Variants in GRIN2A observed in about 807,000 individuals in gnomAD.
GRIN2A encodes the protein glutamate ionotropic receptor NMDA type subunit 2A.
GRIN2A carries 22 observed loss-of-function variants against 113.4 expected under a neutral mutation model. The observed-to-expected ratio is 0.19, with a 90% CI of 0.14 to 0.28. The LOEUF is 0.28. GRIN2A is among the 10% of genes least tolerant of loss of function. GRIN2A has a pLI of 1.00. For missense variants in GRIN2A, 1,502 were observed against 1,887.0 expected (o/e 0.80, Z 3.78); for synonymous variants, 827 against 738.4 (o/e 1.12, Z -1.94).
At chr16:9,910,613 C>T (rs759540260) in intron 3 of GRIN2A, among the ~76,000 whole-genome samples, 1 of 148,686 alleles carries the variant, frequency 6.7e-6, no homozygotes, top group Non-Finnish European at 1.5e-5. Context: ...TCTCGGCTCA[C>T]TGCAACCTCT....
intron 2 of GRIN2A, among the ~76,000 whole-genome samples, chr16:9,977,949 T>A (rs145776176): frequency 2.0e-5 from 3 of 152,278 alleles, no homozygotes; most frequent in Non-Finnish European, 2.9e-5. Flanking sequence ...AAGAAAAAGA[T>A]CTTGGGCAAG....
intron 10 of GRIN2A, among the ~76,000 whole-genome samples, chr16:9,821,665 C>A (rs1481513762): frequency 6.6e-6 from 1 of 152,208 alleles, no homozygotes; most frequent in Non-Finnish European, 1.5e-5. Context: ...GAGAAACTCT[C>A]TCTCCAAAGC....
At chr16:9,870,381 G>GA (rs944769949) in intron 4 of GRIN2A, among the ~76,000 whole-genome samples, 152 of 150,060 alleles carry the variant, frequency 1.0e-3, no homozygotes, top group African/African-American at 2.5e-3. Context: ...AAAAGAAATA[G>GA]AAAAAAAAAG....
intron 2 of GRIN2A, among the ~76,000 whole-genome samples, chr16:10,032,834 T>C (rs1244232617): frequency 1.3e-5 from 2 of 152,176 alleles, no homozygotes; most frequent in African/African-American, 4.8e-5. Context: ...ACTCCTAACA[T>C]AAGTCTCTGC....
intron 2 of GRIN2A, among the ~76,000 whole-genome samples, chr16:10,039,213 C>A (rs1014008988): frequency 6.6e-6 from 1 of 152,070 alleles, no homozygotes; most frequent in Non-Finnish European, 1.5e-5. Flanking sequence ...GGGGGACCCA[C>A]TCTTGTTCCT....
rs373113282 is a variant in GRIN2A, at chr16:10,044,044, GAGAC to G, written c.415-105497_415-105494del. Among the ~76,000 whole-genome samples the G allele has an allele frequency of 2.2e-3, 314 of 143,690 alleles. 5 individuals are homozygous for G. The East Asian group carries it at 0.053, about 24-fold the overall frequency. 94.3% of individuals were successfully genotyped at this position (143,690 alleles called of 152,430 possible). On this transcript the variant is annotated intron_variant, in intron 2 of 12. Transcript: ENST00000330684. ...ATATAGAGAGAGAGAGAGAGAGAGAGAGACAGAGACAGAGACAGAGACAGAGACA... is the reference window on the plus strand; with the variant it reads ...ATATAGAGAGAGAGAGAGAGAGAGAGAGAGACAGAGACAGAGACAGAGACA...
chr16:9,868,378 T>C (rs139050336), intron 4 of GRIN2A, among the ~76,000 whole-genome samples: 1,889 of 152,282 alleles, frequency 0.012, 33 homozygotes, highest in African/African-American at 0.043. Flanking sequence ...GCGATTCTTA[T>C]GCCTCAGCCT....
At chr16:10,154,439 C>T (rs2049647308) in intron 2 of GRIN2A, among the ~76,000 whole-genome samples, 2 of 152,152 alleles carry the variant, frequency 1.3e-5, no homozygotes, top group Admixed American at 1.3e-4. Context: ...TTAATGCAAT[C>T]TAACATTATA....
chr16:9,920,234 C>G (rs925266793), intron 3 of GRIN2A, among the ~76,000 whole-genome samples: 1 of 152,068 alleles, frequency 6.6e-6, no homozygotes, highest in Non-Finnish European at 1.5e-5. Flanking sequence ...TGAATGAAAA[C>G]GGGTGAATGC....
intron 3 of GRIN2A, among the ~76,000 whole-genome samples, chr16:9,912,048 G>A (rs2141553600): frequency 6.6e-6 from 1 of 152,242 alleles, no homozygotes; most frequent in Non-Finnish European, 1.5e-5. Flanking sequence ...GTAATGTGCT[G>A]GCACACAGTG....
intron 2 of GRIN2A, among the ~76,000 whole-genome samples, chr16:9,984,541 A>G (rs1224354853): frequency 6.6e-6 from 1 of 152,224 alleles, no homozygotes; most frequent in Non-Finnish European, 1.5e-5. Context: ...GGTGAGAGAT[A>G]GATGCCTAGT....
chr16:10,119,960 G>T (rs113530321), intron 2 of GRIN2A, among the ~76,000 whole-genome samples: 2,557 of 152,208 alleles, frequency 0.017, 79 homozygotes, highest in African/African-American at 0.059. Flanking sequence ...ATATGTACCA[G>T]ATTTTCTTTA....
At chr16:9,907,862 C>T (rs186304298) in intron 3 of GRIN2A, among the ~76,000 whole-genome samples, 88 of 152,284 alleles carry the variant, frequency 5.8e-4, no homozygotes, top group Non-Finnish European at 1.0e-3. Flanking sequence ...CACATACATT[C>T]TCTTCTTTGC....
At chr16:10,022,800 C>T (rs535792557) in intron 2 of GRIN2A, among the ~76,000 whole-genome samples, 8 of 152,230 alleles carry the variant, frequency 5.3e-5, no homozygotes, top group African/African-American at 1.4e-4. Flanking sequence ...AATAAGACCC[C>T]GTTTCTTTTG....
intron 1 of GRIN2A, chr16:10,181,675 A>T (rs980555530): frequency 1.3e-5 from 2 of 152,268 alleles, no homozygotes; most frequent in African/African-American, 4.8e-5. Context: ...GTTGAGGCGA[A>T]CTCCAAGAGG....
chr16:10,004,353 C>A (rs1201240803), intron 2 of GRIN2A, among the ~76,000 whole-genome samples: 1 of 151,742 alleles, frequency 6.6e-6, no homozygotes, highest in South Asian at 2.1e-4. Flanking sequence ...CACACCACTG[C>A]ACTCCAGCCT....
At chr16:9,966,571 C>A (rs570791778) in intron 2 of GRIN2A, among the ~76,000 whole-genome samples, 127 of 152,252 alleles carry the variant, frequency 8.3e-4, no homozygotes, top group Non-Finnish European at 1.5e-3. Flanking sequence ...TGTGAACAGT[C>A]CTGCAAGAAC....
intron 3 of GRIN2A, among the ~76,000 whole-genome samples, chr16:9,906,848 T>C (rs1487168406): frequency 6.6e-6 from 1 of 152,220 alleles, no homozygotes; most frequent in African/African-American, 2.4e-5. Context: ...TGTTTTTGTT[T>C]TGTTTTGTTT....
At chr16:9,776,364 G>A (rs113133453) in intron 11 of GRIN2A, among the ~76,000 whole-genome samples, 3,593 of 147,768 alleles carry the variant, frequency 0.024, 67 homozygotes, top group African/African-American at 0.059. Context: ...CAGGGATCTT[G>A]TTTTATTCTC....
Sources: allele counts gnomAD v4.1 joint callset (sites outside exome capture counted in the v4.1 genomes callset), GRCh38; gene constraint gnomAD v4.1.1; transcripts MANE v1.5; gene names NCBI Gene and HGNC (gene_info 2026-07-23, HGNC 2026-07-21).